The following SLIT3 variants were observed in gnomAD, a reference collection of about 807,000 sequenced individuals.
SLIT3 encodes the protein slit guidance ligand 3.
In SLIT3, 68 loss-of-function variants were observed where a neutral mutation model predicts 184.0. The ratio of observed to expected loss-of-function variants is 0.37; its 90% confidence interval spans 0.30 to 0.45. SLIT3 has a LOEUF of 0.45. Ranked by LOEUF, SLIT3 falls within the 20% of genes least tolerant of loss-of-function variation. The pLI is 1.00. For synonymous variants in SLIT3, 831 were observed against 828.6 expected, an observed-to-expected ratio of 1.00 and a Z score of -0.05; for missense variants, 1,707 against 2,026.0, an observed-to-expected ratio of 0.84 and a Z score of 3.02.
At position 168,696,423 on chromosome 5, in the gene SLIT3, C is replaced by T; in HGVS notation, c.2951G>A (p.Cys984Tyr). The T allele has an allele frequency of 6.2e-7, 1 of 1,614,074 alleles. No homozygotes were observed. Among genetic ancestry groups the T allele is most frequent in the East Asian group, 2.2e-5 (1 of 44,872 alleles). Residue 984 changes from cysteine (C) to tyrosine (Y), a missense_variant, in exon 28 of 36, where the codon TGC becomes TAC. Physicochemically the swap from Cys to Tyr is radical, Grantham distance 194. Around this residue, in one of 3 missense-constraint regions of SLIT3, gnomAD observed 1,307 missense variants for 1,511.6 expected, o/e 0.86. Transcript: ENST00000519560. ...CCGCTGCCCCTCAAAGCCCAGAGGG[C>T]AGGAGCAGCTTTGGGATGTGAGGGG... ...DSHKDGFSCS[C>Y]PLGFEGQRCE... is the part of the protein sequence containing the mutation.
chr5:168,690,192 A>G (rs1761864532), intron 29 of SLIT3, among the ~76,000 whole-genome samples: 1 of 149,576 alleles, frequency 6.7e-6, no homozygotes, highest in Non-Finnish European at 1.5e-5. Flanking sequence ...GCTGGAATGC[A>G]GTGGTGCAAT....
intron 5 of SLIT3, among the ~76,000 whole-genome samples, chr5:168,857,187 T>C (rs1036044225): frequency 1.3e-4 from 20 of 152,210 alleles, no homozygotes; most frequent in Admixed American, 9.2e-4. Flanking sequence ...GAGCTCTCCA[T>C]TGCAGCTACT....
intron 4 of SLIT3, among the ~76,000 whole-genome samples, chr5:169,000,392 CAAAAAAAAAA>C (rs34002967): frequency 2.4e-5 from 1 of 42,316 alleles, no homozygotes; most frequent in South Asian, 1.3e-3. Flanking sequence ...AACTCCATCT[CAAAAAAAAAA>C]AAAAAAAAAA....
At chr5:169,262,322 G>A (rs150861718) in intron 1 of SLIT3, among the ~76,000 whole-genome samples, 3 of 152,154 alleles carry the variant, frequency 2.0e-5, no homozygotes, top group Non-Finnish European at 4.4e-5. Flanking sequence ...ATGGTGAGAG[G>A]CAGTGAAGGC....
At chr5:168,738,407 G>A (rs1433237551) in intron 20 of SLIT3, among the ~76,000 whole-genome samples, 3 of 152,136 alleles carry the variant, frequency 2.0e-5, no homozygotes, top group African/African-American at 7.2e-5. Context: ...CAACTCTTGA[G>A]CACACATTCC....
At chr5:169,099,623 A>G (rs1394973115) in intron 4 of SLIT3, among the ~76,000 whole-genome samples, 1 of 152,178 alleles carries the variant, frequency 6.6e-6, no homozygotes, top group African/African-American at 2.4e-5. Context: ...TCACACAGCT[A>G]TTAGGGGCTG....
intron 32 of SLIT3, among the ~76,000 whole-genome samples, chr5:168,676,447 C>A (rs534834019): frequency 6.6e-6 from 1 of 152,190 alleles, no homozygotes; most frequent in South Asian, 2.1e-4. Context: ...GATGGGGAGC[C>A]AAAAAGCCCT....
At chr5:169,134,290 G>A (rs1761416560) in intron 4 of SLIT3, among the ~76,000 whole-genome samples, 1 of 152,168 alleles carries the variant, frequency 6.6e-6, no homozygotes. Context: ...ACAGGAGTGG[G>A]CCCCTCGGTC....
At position 168,692,457 on chromosome 5, in the gene SLIT3, G is replaced by A. The variant is rs566159089; in HGVS notation, c.3176+150C>T. The A allele has an allele frequency of 5.3e-5, 31 of 586,634 alleles. No homozygotes were observed. The East Asian group carries it at 7.2e-4, about 14-fold the overall frequency. 36.3% of individuals were successfully genotyped at this position (586,634 alleles called of 1,614,324 possible). ...AGGCACGCATAGGGAAACAGACTGA[G>A]ATAATTAGATCATGGCTGAATCAGA... On this transcript the variant is annotated intron_variant, in intron 29 of 35. Coordinates refer to ENST00000519560, the MANE Select transcript of SLIT3 (RefSeq NM_003062.4).
At chr5:168,943,984 C>T (rs1424648802) in intron 4 of SLIT3, among the ~76,000 whole-genome samples, 1 of 152,196 alleles carries the variant, frequency 6.6e-6, no homozygotes, top group Non-Finnish European at 1.5e-5. Context: ...AAGCCATTCA[C>T]TCGGTTTTAC....
intron 4 of SLIT3, among the ~76,000 whole-genome samples, chr5:168,962,814 C>T (rs1261782784): frequency 1.3e-5 from 2 of 152,308 alleles, no homozygotes; most frequent in Admixed American, 1.3e-4. Context: ...CTCCTTGGGG[C>T]CTTTGAACCT....
rs567603362 is a variant in SLIT3 at position 168,661,814 on chromosome 5, T to C, written c.*4640A>G. On this transcript the variant is annotated 3_prime_UTR_variant, in exon 36 of 36. Transcript: ENST00000519560. ...CATTTATTTTAATGACATCTGAATA[T>C]GACAGTATATTGAAAAAAGAATGCA... is the stretch of plus-strand genomic sequence containing the variant. 4.6e-5 allele frequency: 7 copies of C among 152,310 alleles called. No homozygotes were observed. The highest frequency in any genetic ancestry group is 1.0e-4 in the Non-Finnish European group (7 of 68,042). The allele number at this position is 152,310 out of a possible 1,614,324, so 9.4% of individuals were successfully genotyped here. A position where few individuals can be genotyped will look rare whatever the true frequency, so the allele number is the denominator to read the frequency against.
At chr5:168,732,134 A>G (rs939099367) in intron 20 of SLIT3, among the ~76,000 whole-genome samples, 1 of 152,154 alleles carries the variant, frequency 6.6e-6, no homozygotes, top group Non-Finnish European at 1.5e-5. Flanking sequence ...AATTAGTAGC[A>G]TTCCTAAACA....
rs145639233 is a variant in SLIT3, at chr5:169,115,041, T to C, written c.413+78438A>G. Among the ~76,000 whole-genome samples, 25 of 152,300 alleles carry C rather than the reference T, an allele frequency of 1.6e-4. No homozygotes were observed. In the East Asian group the frequency reaches 3.7e-3, roughly 22 times the overall value. On this transcript the variant is annotated intron_variant, in intron 4 of 35. Transcript: ENST00000519560. ...AGAATGTACATATTTCCAGGGGTGC[T>C]CTGTGTCCCTGGAGAAGTTTGCAGG...
intron 23 of SLIT3, 133 bp downstream of exon 23, chr5:168,722,123 G>A: frequency 1.4e-6 from 1 of 736,096 alleles, no homozygotes; most frequent in Non-Finnish European, 2.3e-6. Context: ...GAGCAAATAA[G>A]GGTGCTGGGT....
chr5:168,816,366 T>C (rs1269619775), intron 8 of SLIT3, among the ~76,000 whole-genome samples: 4 of 152,132 alleles, frequency 2.6e-5, no homozygotes, highest in Non-Finnish European at 4.4e-5. Context: ...TTTGTATTTT[T>C]AGTAGAGACG....
intron 4 of SLIT3, among the ~76,000 whole-genome samples, chr5:169,002,438 T>A (rs1178634719): frequency 6.8e-6 from 1 of 146,586 alleles, no homozygotes; most frequent in Non-Finnish European, 1.5e-5. Context: ...AAAAGAATGG[T>A]CTGGGAAGTG....
intron 4 of SLIT3, among the ~76,000 whole-genome samples, chr5:169,192,608 TGGTGGCCACAAC>T (rs1763593637): frequency 6.6e-6 from 1 of 152,192 alleles, no homozygotes; most frequent in African/African-American, 2.4e-5. Context: ...GGAATGAGAA[TGGTGGCCACAAC>T]GTTGGAGCCT....
At chr5:169,211,648 T>A (rs1346099361) in intron 3 of SLIT3, among the ~76,000 whole-genome samples, 1 of 152,182 alleles carries the variant, frequency 6.6e-6, no homozygotes, top group Non-Finnish European at 1.5e-5. Flanking sequence ...TGGCATATTT[T>A]TATTATTATA....
Sources: gnomAD v4.1 joint callset for allele counts (sites outside exome capture counted in the v4.1 genomes callset) on GRCh38, gnomAD v4.1.1 for gene constraint, gnomAD v4.1.1 regional missense constraint, MANE v1.5 for transcripts, NCBI Gene and HGNC (gene_info 2026-07-23, HGNC 2026-07-21) for gene names.